Variants in PDE7B observed in about 807,000 individuals in gnomAD.
PDE7B encodes the protein phosphodiesterase 7B.
In PDE7B, 29 loss-of-function variants were observed where a neutral mutation model predicts 56.2. The observed-to-expected ratio is 0.52, with a 90% CI of 0.38 to 0.70. The LOEUF is 0.70. PDE7B is among the 30% of genes least tolerant of loss of function. The pLI, the probability that PDE7B is intolerant of heterozygous loss-of-function variation, is 0.00. For missense variants in PDE7B, 490 were observed against 565.0 expected, an observed-to-expected ratio of 0.87 and a Z score of 1.35; for synonymous variants, 197 against 196.9, an observed-to-expected ratio of 1.00 and a Z score of 0.00.
chr6:135,936,727 G>T (rs1189546747), intron 1 of PDE7B, among the ~76,000 whole-genome samples: 2 of 152,198 alleles, frequency 1.3e-5, no homozygotes, highest in Non-Finnish European at 2.9e-5. Context: ...TGAAGAGAGG[G>T]CATTTGTTCC....
intron 1 of PDE7B, among the ~76,000 whole-genome samples, chr6:135,858,939 C>G (rs1469366720): frequency 6.6e-6 from 1 of 151,742 alleles, no homozygotes; most frequent in Non-Finnish European, 1.5e-5. Flanking sequence ...ACTATAATAT[C>G]AGTTATTCAT....
At chr6:136,090,066 G>A (rs1777361865) in intron 2 of PDE7B, among the ~76,000 whole-genome samples, 1 of 151,790 alleles carries the variant, frequency 6.6e-6, no homozygotes, top group Non-Finnish European at 1.5e-5. Context: ...ATTGTTGTGG[G>A]TTTTTTTTCA....
intron 2 of PDE7B, among the ~76,000 whole-genome samples, chr6:135,970,279 G>A (rs987801894): frequency 6.6e-6 from 1 of 152,120 alleles, no homozygotes; most frequent in African/African-American, 2.4e-5. Context: ...TGACATGGTG[G>A]TGGCAGGTGG....
intron 2 of PDE7B, among the ~76,000 whole-genome samples, chr6:136,105,688 CAG>C (rs1162087287): frequency 6.6e-6 from 1 of 152,198 alleles, no homozygotes; most frequent in Non-Finnish European, 1.5e-5. Context: ...AACTGGACTT[CAG>C]AGTGATTACT....
intron 3 of PDE7B, among the ~76,000 whole-genome samples, chr6:136,118,832 G>C (rs999408557): frequency 6.6e-4 from 101 of 151,968 alleles, no homozygotes; most frequent in African/African-American, 2.3e-3. Flanking sequence ...AATGACTTCA[G>C]TATCATTGAA....
chr6:136,088,993 G>A (rs560185071), intron 2 of PDE7B, among the ~76,000 whole-genome samples: 2 of 147,100 alleles, frequency 1.4e-5, no homozygotes, highest in African/African-American at 2.6e-5. Context: ...CCTTTCCCCC[G>A]CCAAAAAAAA....
intron 1 of PDE7B, among the ~76,000 whole-genome samples, chr6:135,875,317 A>G (rs937153502): frequency 1.3e-5 from 2 of 151,830 alleles, no homozygotes; most frequent in Non-Finnish European, 2.9e-5. Context: ...TGAGGTTTTA[A>G]ATATATTTTC....
chr6:135,976,351 C>G (rs901242464), intron 2 of PDE7B, among the ~76,000 whole-genome samples: 7 of 152,154 alleles, frequency 4.6e-5, no homozygotes, highest in African/African-American at 1.4e-4. Context: ...ACAATAAGTT[C>G]TCAGCCCCCA....
intron 2 of PDE7B, among the ~76,000 whole-genome samples, chr6:135,961,417 ATTAAC>A (rs1180008832): frequency 6.6e-6 from 1 of 152,094 alleles, no homozygotes; most frequent in African/African-American, 2.4e-5. Context: ...ACACTCAATG[ATTAAC>A]TTAAGTAAAA....
intron 2 of PDE7B, among the ~76,000 whole-genome samples, chr6:135,980,120 C>T (rs970273541): frequency 3.2e-4 from 49 of 152,062 alleles, no homozygotes; most frequent in Admixed American, 2.0e-3. Flanking sequence ...AGAACAGAGC[C>T]CTCAGAAATA....
intron 1 of PDE7B, among the ~76,000 whole-genome samples, chr6:135,889,582 A>C (rs1775771822): frequency 6.7e-6 from 1 of 149,896 alleles, no homozygotes; most frequent in Non-Finnish European, 1.5e-5. Flanking sequence ...TTGGGATTAC[A>C]GGCGCCCACC....
chr6:136,142,547 G>A (rs1177687620), intron 3 of PDE7B, among the ~76,000 whole-genome samples: 1 of 152,112 alleles, frequency 6.6e-6, no homozygotes, highest in African/African-American at 2.4e-5. Context: ...TGTTGACAGT[G>A]GGGTGTTAAA....
chr6:136,109,676 C>A (rs1237194951), intron 3 of PDE7B, among the ~76,000 whole-genome samples: 5 of 152,298 alleles, frequency 3.3e-5, no homozygotes, highest in South Asian at 4.1e-4. Flanking sequence ...TGCTCCTCAT[C>A]AGTAGTTTTG....
chr6:136,136,991 G>T (rs1355543994), intron 3 of PDE7B, among the ~76,000 whole-genome samples: 1 of 151,990 alleles, frequency 6.6e-6, no homozygotes, highest in Non-Finnish European at 1.5e-5. Flanking sequence ...TTACATGTAA[G>T]ATTATTATAC....
intron 2 of PDE7B, among the ~76,000 whole-genome samples, chr6:135,994,865 C>A (rs539415019): frequency 1.3e-5 from 2 of 152,152 alleles, no homozygotes; most frequent in African/African-American, 2.4e-5. Flanking sequence ...GAAAATGTGG[C>A]ATAGAAACAG....
intron 2 of PDE7B, among the ~76,000 whole-genome samples, chr6:135,961,217 A>G (rs567524203): frequency 1.1e-4 from 16 of 151,988 alleles, no homozygotes; most frequent in South Asian, 8.3e-4. Context: ...GTATCTACCT[A>G]TAATTGCAAA....
At chr6:136,174,580 A>G (rs952460483) in intron 9 of PDE7B, among the ~76,000 whole-genome samples, 5 of 152,160 alleles carry the variant, frequency 3.3e-5, no homozygotes, top group African/African-American at 1.2e-4. Context: ...TGATCTGTTT[A>G]ATGAACACGT....
intron 2 of PDE7B, among the ~76,000 whole-genome samples, chr6:136,093,508 G>A (rs1217935172): frequency 1.3e-5 from 2 of 152,134 alleles, no homozygotes; most frequent in South Asian, 2.1e-4. Context: ...TTATAAAATC[G>A]ATGGTAAACT....
rs540393846 is a variant in PDE7B, at chr6:136,077,978, G to C, written c.83-30753G>C. Among the ~76,000 whole-genome samples the C allele has an allele frequency of 2.2e-4, 33 of 152,312 alleles. No individual in the cohort carries two copies. In the Middle Eastern group the frequency reaches 0.01, roughly 47 times the overall value. On this transcript the variant is annotated intron_variant, in intron 2 of 12. Transcript: ENST00000308191. ...CCTGATTCTAATCTCATCCCAGGGT[G>C]AATTGAGGTTAGCTGCTGGAGGGAA...
Sources: gnomAD v4.1 joint callset for allele counts (sites outside exome capture counted in the v4.1 genomes callset) on GRCh38, gnomAD v4.1.1 for gene constraint, MANE v1.5 for transcripts, NCBI Gene and HGNC (gene_info 2026-07-23, HGNC 2026-07-21) for gene names.